The following RALYL variants were observed in gnomAD, a reference collection of about 807,000 sequenced individuals.
The protein encoded by RALYL is RNA-binding Raly-like protein.
Under a neutral mutation model 35.1 loss-of-function variants are expected in RALYL, and 29 were observed. The observed-to-expected ratio is 0.83, with a 90% CI of 0.61 to 1.13. The LOEUF (loss-of-function observed/expected upper bound fraction) is 1.13. RALYL is among the 50% of genes most tolerant of loss of function. RALYL has a pLI of 0.00. For synonymous variants in RALYL, 120 were observed against 127.6 expected (o/e 0.94, Z 0.40); for missense variants, 359 against 360.4 (o/e 1.00, Z 0.03).
chr8:84,381,517 AC>A (rs1451460675), intron 1 of RALYL, among the ~76,000 whole-genome samples: 4 of 151,492 alleles, frequency 2.6e-5, no homozygotes, highest in African/African-American at 9.7e-5. Context: ...CTTTTTTTCT[AC>A]CATTTTCATA....
chr8:84,399,176 A>C (rs2042644230), intron 1 of RALYL, among the ~76,000 whole-genome samples: 1 of 152,188 alleles, frequency 6.6e-6, no homozygotes, highest in Non-Finnish European at 1.5e-5. Context: ...AAGCAGCAGG[A>C]GTTTCATTAC....
At chr8:84,633,302 C>G (rs900342282) in intron 2 of RALYL, among the ~76,000 whole-genome samples, 2 of 151,594 alleles carry the variant, frequency 1.3e-5, no homozygotes, top group African/African-American at 4.8e-5. Context: ...AGAGTTTGGA[C>G]AGTAGGAGAT....
chr8:84,567,949 T>A (rs1347823887), intron 2 of RALYL, among the ~76,000 whole-genome samples: 1 of 151,826 alleles, frequency 6.6e-6, no homozygotes, highest in African/African-American at 2.4e-5. Flanking sequence ...TGTCTCTCTC[T>A]GGTTAAATGA....
chr8:84,185,486 G>A (rs1333783114), intron 1 of RALYL, among the ~76,000 whole-genome samples: 1 of 152,116 alleles, frequency 6.6e-6, no homozygotes, highest in Non-Finnish European at 1.5e-5. Context: ...TTTCAGAGAC[G>A]TACCAGTTGG....
chr8:84,383,888 G>A (rs546424986), intron 1 of RALYL, among the ~76,000 whole-genome samples: 3 of 151,596 alleles, frequency 2.0e-5, no homozygotes, highest in African/African-American at 7.2e-5. Flanking sequence ...ATGTGGGTAA[G>A]TTTCTGATGT....
At chr8:84,521,866 C>T (rs1308512186) in intron 1 of RALYL, among the ~76,000 whole-genome samples, 1 of 152,114 alleles carries the variant, frequency 6.6e-6, no homozygotes, top group Non-Finnish European at 1.5e-5. Flanking sequence ...TACTTAATCT[C>T]AATCTCCAGA....
At chr8:84,316,722 G>A (rs567428330) in intron 1 of RALYL, among the ~76,000 whole-genome samples, 8 of 152,018 alleles carry the variant, frequency 5.3e-5, no homozygotes, top group Non-Finnish European at 1.0e-4. Flanking sequence ...AATTTAGAAG[G>A]CTACCTTTCT....
chr8:84,583,888 T>C (rs765490038), intron 2 of RALYL, among the ~76,000 whole-genome samples: 46 of 152,164 alleles, frequency 3.0e-4, no homozygotes, highest in Non-Finnish European at 4.6e-4. Flanking sequence ...GTTTAGAACC[T>C]GAATATAGCC....
chr8:84,315,511 G>A (rs1265694313), intron 1 of RALYL, among the ~76,000 whole-genome samples: 1 of 152,086 alleles, frequency 6.6e-6, no homozygotes, highest in Non-Finnish European at 1.5e-5. Context: ...AGGTCTAGGG[G>A]AGAATTGTAG....
chr8:84,276,889 T>C (rs1370052930), intron 1 of RALYL, among the ~76,000 whole-genome samples: 3 of 152,234 alleles, frequency 2.0e-5, no homozygotes, highest in East Asian at 3.8e-4. Flanking sequence ...TAGGTTACAA[T>C]TTTATGTGAA....
chr8:84,362,940 A>C (rs1219873295), intron 1 of RALYL, among the ~76,000 whole-genome samples: 1 of 152,176 alleles, frequency 6.6e-6, no homozygotes, highest in Non-Finnish European at 1.5e-5. Flanking sequence ...ATTGCAGGAC[A>C]CAGTGGGGAA....
intron 1 of RALYL, among the ~76,000 whole-genome samples, chr8:84,389,549 G>A (rs1860107666): frequency 6.6e-6 from 1 of 150,496 alleles, no homozygotes; most frequent in Non-Finnish European, 1.5e-5. Flanking sequence ...TCCTTGAAGA[G>A]GTCCTTCACA....
At chr8:84,478,998 A>G (rs2053752599) in intron 1 of RALYL, among the ~76,000 whole-genome samples, 1 of 137,756 alleles carries the variant, frequency 7.3e-6, no homozygotes, top group Non-Finnish European at 1.6e-5. Flanking sequence ...AGGCAGGAGA[A>G]TGGCGTGAAC....
intron 4 of RALYL, among the ~76,000 whole-genome samples, chr8:84,842,990 A>C (rs182950523): frequency 0.034 from 5,188 of 152,190 alleles, 514 homozygotes; most frequent in East Asian, 0.22. Context: ...AGCTATCTAT[A>C]ACAAACCCAC....
At chr8:84,836,030 G>A (rs920957631) in intron 4 of RALYL, among the ~76,000 whole-genome samples, 1 of 152,126 alleles carries the variant, frequency 6.6e-6, no homozygotes, top group Admixed American at 6.6e-5. Flanking sequence ...ACTAATTGAA[G>A]GGTTTTATGC....
chr8:84,753,778 T>C (rs899339555), intron 2 of RALYL, among the ~76,000 whole-genome samples: 1 of 152,188 alleles, frequency 6.6e-6, no homozygotes, highest in African/African-American at 2.4e-5. Context: ...ATGCCCCCTG[T>C]ACAGCCAATT....
chr8:84,288,548 A>AT (rs1440925963), intron 1 of RALYL, among the ~76,000 whole-genome samples: 1 of 152,078 alleles, frequency 6.6e-6, no homozygotes, highest in African/African-American at 2.4e-5. Flanking sequence ...TTTTTTCTGC[A>AT]TTTTTAGTTG....
rs1848942440 is a variant in RALYL at position 84,342,277 on chromosome 8, A to ATATATATAT, written c.-24+157853_-24+157854insTATATATAT. ...TGAGTGAGGGTACAGAGCATCGTTC[A>ATATATATAT]ATATATATATATATATATAAAACTC... is the stretch of plus-strand genomic sequence containing the variant. On this transcript the variant is annotated intron_variant, in intron 1 of 8. Transcript: ENST00000521268. Among the ~76,000 whole-genome samples the ATATATATAT allele has an allele frequency of 3.0e-4, 20 of 66,126 alleles. 2 individuals carry two copies. Among genetic ancestry groups the ATATATATAT allele is most frequent in the African/African-American group, 1.4e-3 (18 of 13,328 alleles). The allele number at this position is 66,126 out of a possible 152,430, so 43.4% of individuals were successfully genotyped here.
At chr8:84,191,499 C>A (rs184460977) in intron 1 of RALYL, among the ~76,000 whole-genome samples, 175 of 152,226 alleles carry the variant, frequency 1.1e-3, no homozygotes, top group African/African-American at 4.0e-3. Flanking sequence ...TTCAAGAGGA[C>A]AAGAGCCCTT....
Sources: allele counts gnomAD v4.1 joint callset (sites outside exome capture counted in the v4.1 genomes callset), GRCh38; gene constraint gnomAD v4.1.1; transcripts MANE v1.5; gene names NCBI Gene and HGNC (gene_info 2026-07-23, HGNC 2026-07-21).